BMP5: variants seen among roughly 807,000 people sequenced by gnomAD.
BMP5 encodes bone morphogenetic protein 5.
In BMP5, 23 loss-of-function variants were observed where a neutral mutation model predicts 46.6. The observed-to-expected ratio is 0.49, with a 90% CI of 0.35 to 0.70. The LOEUF (loss-of-function observed/expected upper bound fraction) is 0.70. Ranked by LOEUF, BMP5 falls within the 30% of genes least tolerant of loss-of-function variation. The pLI, the probability that BMP5 is intolerant of heterozygous loss-of-function variation, is 0.00. For missense variants in BMP5, 545 were observed against 565.6 expected (o/e 0.96, Z 0.37); for synonymous variants, 204 against 191.9 (o/e 1.06, Z -0.52).
chr6:55,827,389 TA>T (rs908505344), intron 1 of BMP5, among the ~76,000 whole-genome samples: 5 of 150,670 alleles, frequency 3.3e-5, no homozygotes, highest in Admixed American at 1.3e-4. Context: ...ATTATGGAGT[TA>T]AAAAAAAACC....
At chr6:55,811,572 T>C (rs1310043945) in intron 2 of BMP5, among the ~76,000 whole-genome samples, 1 of 152,136 alleles carries the variant, frequency 6.6e-6, no homozygotes, top group Non-Finnish European at 1.5e-5. Flanking sequence ...CATTATACGC[T>C]TGAACTTTTT....
chr6:55,865,986 G>T (rs1342610914), intron 1 of BMP5, among the ~76,000 whole-genome samples: 2 of 152,084 alleles, frequency 1.3e-5, no homozygotes, highest in Non-Finnish European at 2.9e-5. Flanking sequence ...TCTTCACCCA[G>T]AGCAAAGAAT....
chr6:55,764,571 C>CAAAA (rs57293392), intron 4 of BMP5, among the ~76,000 whole-genome samples: 1 of 110,148 alleles, frequency 9.1e-6, no homozygotes. Context: ...GACTCTGTCT[C>CAAAA]AAAAAAAAAA....
chr6:55,813,081 A>G (rs138523091), intron 2 of BMP5, among the ~76,000 whole-genome samples: 74 of 152,326 alleles, frequency 4.9e-4, no homozygotes, highest in African/African-American at 1.7e-3. Flanking sequence ...AGAAAAAAAT[A>G]CCTTCCATGG....
Position 55,797,242 on chromosome 6 carries a change from C to T in BMP5, c.684-2815G>A, listed in dbSNP as rs559556150. On this transcript the variant is annotated intron_variant, in intron 2 of 6. Coordinates refer to ENST00000370830, the MANE Select transcript of BMP5 (RefSeq NM_021073.4). ...ATTTATTTTGAAGTATAAAATTTCT[C>T]CACTAAAATATGGCACTTATACTAC... Among the ~76,000 whole-genome samples, 5 of 152,284 alleles carry T rather than the reference C, an allele frequency of 3.3e-5. No individual in the cohort carries two copies. The East Asian group carries it at 9.6e-4, about 29-fold the overall frequency.
chr6:55,857,136 C>A (rs1402461632), intron 1 of BMP5, among the ~76,000 whole-genome samples: 2 of 152,146 alleles, frequency 1.3e-5, no homozygotes, highest in Non-Finnish European at 2.9e-5. Flanking sequence ...TCTGCTCATG[C>A]AGTCCTGATA....
intron 3 of BMP5, 42 bp from the exon 4 acceptor site, chr6:55,774,285 G>A: frequency 6.4e-7 from 1 of 1,571,532 alleles, no homozygotes. Context: ...GAAAAAGAAA[G>A]AACAATTACC....
chr6:55,801,652 T>C (rs1481859658), intron 2 of BMP5, among the ~76,000 whole-genome samples: 1 of 152,196 alleles, frequency 6.6e-6, no homozygotes, highest in Non-Finnish European at 1.5e-5. Flanking sequence ...CAGAAGCATT[T>C]CCCAGGAGGA....
intron 2 of BMP5, among the ~76,000 whole-genome samples, chr6:55,811,320 G>A (rs1776129651): frequency 1.3e-5 from 2 of 152,132 alleles, no homozygotes; most frequent in South Asian, 2.1e-4. Context: ...AGCTTAAAAT[G>A]TTTTCACAAT....
intron 1 of BMP5, among the ~76,000 whole-genome samples, chr6:55,830,867 G>A (rs1275366552): frequency 6.6e-6 from 1 of 152,128 alleles, no homozygotes; most frequent in Non-Finnish European, 1.5e-5. Context: ...AAATAAGCAA[G>A]TTTGAGTATT....
At chr6:55,765,121 T>A (rs1774889305) in intron 4 of BMP5, among the ~76,000 whole-genome samples, 1 of 152,140 alleles carries the variant, frequency 6.6e-6, no homozygotes, top group Non-Finnish European at 1.5e-5. Flanking sequence ...GAAATCTGCA[T>A]GGACTGTCAA....
chr6:55,868,516 GTTTTTGTTGT>G (rs894070074), intron 1 of BMP5, among the ~76,000 whole-genome samples: 6 of 151,994 alleles, frequency 3.9e-5, no homozygotes, highest in African/African-American at 1.4e-4. Context: ...TTGTTTGTTT[GTTTTTGTTGT>G]TTTTTTCTCC....
chr6:55,829,076 T>C (rs1776598020), intron 1 of BMP5, among the ~76,000 whole-genome samples: 1 of 151,850 alleles, frequency 6.6e-6, no homozygotes, highest in Non-Finnish European at 1.5e-5. Context: ...GGAATAAAAC[T>C]ATAAGAATAT....
At chr6:55,780,481 AG>A (rs1326400765) in intron 3 of BMP5, among the ~76,000 whole-genome samples, 5 of 145,846 alleles carry the variant, frequency 3.4e-5, no homozygotes, top group African/African-American at 1.3e-4. Flanking sequence ...AAAGAAAGAA[AG>A]AAAGAAAGAA....
intron 1 of BMP5, among the ~76,000 whole-genome samples, chr6:55,843,795 T>C (rs1178415866): frequency 3.3e-5 from 5 of 152,126 alleles, no homozygotes; most frequent in Non-Finnish European, 7.4e-5. Context: ...CCAAGATTTA[T>C]ATGCAGGTTT....
intron 2 of BMP5, among the ~76,000 whole-genome samples, chr6:55,804,002 TG>T (rs1775922932): frequency 6.6e-6 from 1 of 152,222 alleles, no homozygotes; most frequent in Non-Finnish European, 1.5e-5. Flanking sequence ...CCAGGTCCCA[TG>T]ATTGCAGAAA....
chr6:55,848,044 T>C (rs967538237), intron 1 of BMP5, among the ~76,000 whole-genome samples: 4 of 151,992 alleles, frequency 2.6e-5, no homozygotes, highest in Admixed American at 1.3e-4. Context: ...AACTTCTATT[T>C]ACTTTCCTAG....
intron 4 of BMP5, among the ~76,000 whole-genome samples, chr6:55,766,728 C>G (rs962961848): frequency 6.6e-6 from 1 of 152,022 alleles, no homozygotes; most frequent in Non-Finnish European, 1.5e-5. Flanking sequence ...ACATACCCTA[C>G]TCTTTATGAT....
At chr6:55,806,418 A>C (rs1035401240) in intron 2 of BMP5, among the ~76,000 whole-genome samples, 3 of 151,966 alleles carry the variant, frequency 2.0e-5, no homozygotes, top group Admixed American at 1.3e-4. Context: ...GTTCTTTTTC[A>C]TTGGTCTATC....
Sources: gnomAD v4.1 joint callset for allele counts (sites outside exome capture counted in the v4.1 genomes callset) on GRCh38, gnomAD v4.1.1 for gene constraint, MANE v1.5 for transcripts, NCBI Gene and HGNC (gene_info 2026-07-23, HGNC 2026-07-21) for gene names.